Variants in ST8SIA2 observed in about 807,000 individuals in gnomAD.
ST8SIA2 encodes alpha-2,8-sialyltransferase 8B.
A neutral mutation model predicts 37.6 loss-of-function variants in ST8SIA2; 22 were observed. That is an observed-to-expected ratio of 0.58 (90% CI 0.42 to 0.83). ST8SIA2 has a LOEUF of 0.83. Among genes scored for constraint, ST8SIA2 ranks in the 40% least tolerant of loss-of-function variants. ST8SIA2 has a pLI of 0.00. For synonymous variants in ST8SIA2, 205 were observed against 201.2 expected, an observed-to-expected ratio of 1.02 and a Z score of -0.16; for missense variants, 382 against 484.7, an observed-to-expected ratio of 0.79 and a Z score of 1.99.
At chr15:92,431,112 T>C (rs1190240281) in intron 2 of ST8SIA2, among the ~76,000 whole-genome samples, 1 of 152,110 alleles carries the variant, frequency 6.6e-6, no homozygotes, top group African/African-American at 2.4e-5. Context: ...CCAGGTGAAA[T>C]GTGAATATGG....
At chr15:92,414,932 G>A (rs1463326534) in intron 1 of ST8SIA2, among the ~76,000 whole-genome samples, 2 of 152,206 alleles carry the variant, frequency 1.3e-5, no homozygotes, top group Admixed American at 6.5e-5. Flanking sequence ...AGCCAATCAG[G>A]AAGTGGCTCA....
intron 5 of ST8SIA2, among the ~76,000 whole-genome samples, chr15:92,460,788 G>C (rs1248901418): frequency 6.6e-6 from 1 of 152,242 alleles, no homozygotes; most frequent in East Asian, 1.9e-4. Context: ...TCTGCTTCAT[G>C]AAGGTGAAAG....
intron 1 of ST8SIA2, among the ~76,000 whole-genome samples, chr15:92,405,848 C>T (rs535477824): frequency 5.1e-4 from 78 of 152,162 alleles, no homozygotes; most frequent in Non-Finnish European, 1.0e-3. Flanking sequence ...TTGTTGGCTG[C>T]CCTGCCCATC....
intron 4 of ST8SIA2, among the ~76,000 whole-genome samples, chr15:92,439,659 G>T (rs925903926): frequency 1.3e-5 from 2 of 152,192 alleles, no homozygotes; most frequent in African/African-American, 2.4e-5. Flanking sequence ...CATCCTCTGG[G>T]ATTGAAACGC....
intron 4 of ST8SIA2, among the ~76,000 whole-genome samples, chr15:92,441,549 G>A (rs1247051926): frequency 6.7e-6 from 1 of 150,286 alleles, no homozygotes; most frequent in African/African-American, 2.5e-5. Flanking sequence ...GTTCCCAGAT[G>A]TTTGGGGAAC....
In ST8SIA2 at chr15:92,438,621, C is replaced by G. The variant is rs2049778086; in HGVS notation, c.548+11C>G. On this transcript the variant is annotated intron_variant, in intron 4 of 5. Coordinates refer to ENST00000268164, the MANE Select transcript of ST8SIA2 (RefSeq NM_006011.4). Reference sequence around the variant, plus strand: ...CAGCTTCGTCATCAGGTAACATGCCCCAGCAGGCACTCTGGGGCCAGAGCG... The same window carrying G: ...CAGCTTCGTCATCAGGTAACATGCCGCAGCAGGCACTCTGGGGCCAGAGCG... The G allele has an allele frequency of 3.8e-6, 6 of 1,596,244 alleles. No homozygotes were observed. Among genetic ancestry groups the G allele is most frequent in the Non-Finnish European group, 5.1e-6 (6 of 1,170,850 alleles).
intron 4 of ST8SIA2, among the ~76,000 whole-genome samples, chr15:92,440,483 C>T (rs1332352591): frequency 6.6e-6 from 1 of 152,166 alleles, no homozygotes; most frequent in Non-Finnish European, 1.5e-5. Flanking sequence ...GTCACGTCCA[C>T]ACCCATCCAC....
intron 1 of ST8SIA2, among the ~76,000 whole-genome samples, chr15:92,399,194 G>GT (rs1386481687): frequency 6.6e-6 from 1 of 152,218 alleles, no homozygotes; most frequent in Non-Finnish European, 1.5e-5. Flanking sequence ...TCAATCAAAA[G>GT]GGCCTGCCTC....
chr15:92,418,442 A>G (rs1317514636), intron 1 of ST8SIA2, among the ~76,000 whole-genome samples: 2 of 139,336 alleles, frequency 1.4e-5, no homozygotes, highest in African/African-American at 2.7e-5. Context: ...AGTCTGGGCG[A>G]CAGGAGTGAG....
At chr15:92,456,168 G>T (rs948730987) in intron 5 of ST8SIA2, among the ~76,000 whole-genome samples, 1 of 152,226 alleles carries the variant, frequency 6.6e-6, no homozygotes, top group Non-Finnish European at 1.5e-5. Flanking sequence ...CACTCCTGGC[G>T]GGGCCCGCCA....
rs936336953 is a variant in ST8SIA2 at position 92,464,764 on chromosome 15, A to G, written c.*379A>G. 2 of 258,862 alleles carry G rather than the reference A, an allele frequency of 7.7e-6. No homozygotes were observed. Among genetic ancestry groups the G allele is most frequent in the African/African-American group, 4.5e-5 (2 of 44,532 alleles). 16.0% of individuals were successfully genotyped at this position (258,862 alleles called of 1,614,324 possible). A position where few individuals can be genotyped will look rare whatever the true frequency, so the allele number is the denominator to read the frequency against. ...TCTTTGGGCTCATGGATGAATGGCG[A>G]GCCACCTGTTGTCAGCTGCCCCAAG... On this transcript the variant is annotated 3_prime_UTR_variant, in exon 6 of 6. Transcript: ENST00000268164.
intron 3 of ST8SIA2, among the ~76,000 whole-genome samples, chr15:92,437,061 T>G (rs1358393887): frequency 6.6e-6 from 1 of 152,198 alleles, no homozygotes; most frequent in Admixed American, 6.5e-5. Context: ...CAGCAGGCTT[T>G]CAGGCCTCAG....
At chr15:92,456,851 G>T (rs59673848) in intron 5 of ST8SIA2, among the ~76,000 whole-genome samples, 18,902 of 152,204 alleles carry the variant, frequency 0.12, 1,566 homozygotes, top group East Asian at 0.42. Flanking sequence ...AGGCTAGCCT[G>T]GCTTACTTGA....
chr15:92,397,727 C>G (rs1232623809), intron 1 of ST8SIA2, among the ~76,000 whole-genome samples: 1 of 152,224 alleles, frequency 6.6e-6, no homozygotes, highest in Non-Finnish European at 1.5e-5. Flanking sequence ...TCTTGCCCAT[C>G]ATGGTGTCCA....
intron 1 of ST8SIA2, among the ~76,000 whole-genome samples, chr15:92,408,521 T>G (rs933237377): frequency 5.3e-5 from 8 of 151,636 alleles, no homozygotes; most frequent in Admixed American, 5.3e-4. Context: ...GGGGAGGGAG[T>G]AAGTTCCTTG....
At chr15:92,419,291 A>C (rs998816626) in intron 1 of ST8SIA2, among the ~76,000 whole-genome samples, 3 of 152,232 alleles carry the variant, frequency 2.0e-5, no homozygotes, top group African/African-American at 7.2e-5. Flanking sequence ...AAACAGAGAC[A>C]ACTAGTGTAG....
chr15:92,431,900 G>A (rs76492438), intron 2 of ST8SIA2, among the ~76,000 whole-genome samples: 3,956 of 152,268 alleles, frequency 0.026, 182 homozygotes, highest in African/African-American at 0.087. Flanking sequence ...ACCCTGGAAA[G>A]TGGAGAGAGA....
chr15:92,418,424 T>C (rs2141818090), intron 1 of ST8SIA2, among the ~76,000 whole-genome samples: 1 of 138,824 alleles, frequency 7.2e-6, no homozygotes, highest in African/African-American at 2.8e-5. Flanking sequence ...ATCACGCCAC[T>C]GCACTCTAGT....
intron 5 of ST8SIA2, among the ~76,000 whole-genome samples, chr15:92,460,772 G>C (rs2049951796): frequency 6.6e-6 from 1 of 152,202 alleles, no homozygotes; most frequent in Non-Finnish European, 1.5e-5. Context: ...CCACCTATCT[G>C]TTGGGTCTGC....
Sources: allele counts gnomAD v4.1 joint callset (sites outside exome capture counted in the v4.1 genomes callset), GRCh38; gene constraint gnomAD v4.1.1; transcripts MANE v1.5; gene names NCBI Gene and HGNC (gene_info 2026-07-23, HGNC 2026-07-21).